The following CKB variants were observed in gnomAD, a reference collection of about 807,000 sequenced individuals.
CKB encodes creatine kinase B-type.
A neutral mutation model predicts 36.9 loss-of-function variants in CKB; 15 were observed. The observed-to-expected ratio is 0.41, with a 90% CI of 0.27 to 0.63. The LOEUF (loss-of-function observed/expected upper bound fraction) is 0.63. CKB is among the 20% of genes least tolerant of loss of function. The pLI, the probability that CKB is intolerant of heterozygous loss-of-function variation, is 0.34. For synonymous variants in CKB, 250 were observed against 228.2 expected (o/e 1.10, Z -0.86); for missense variants, 413 against 534.9 (o/e 0.77, Z 2.25).
At position 103,519,682 on chromosome 14, in the gene CKB, T is replaced by C. The variant is rs2075885215; in HGVS notation, c.*182A>G. On this transcript the variant is annotated 3_prime_UTR_variant, in exon 8 of 8. Transcript: ENST00000348956. ...CTCAGACGCAGGCAGGCCAAAACCCTAGTTTATTTCAGCATCAGCAGTATC... is the reference window on the plus strand; with the variant it reads ...CTCAGACGCAGGCAGGCCAAAACCCCAGTTTATTTCAGCATCAGCAGTATC... 1.5e-6 allele frequency: 1 copy of C among 683,672 alleles called. No individual in the cohort carries two copies. Among genetic ancestry groups the C allele is most frequent in the East Asian group, 2.9e-5 (1 of 34,146 alleles). 42.4% of individuals were successfully genotyped at this position (683,672 alleles called of 1,614,324 possible). A position where few individuals can be genotyped will look rare whatever the true frequency, so the allele number is the denominator to read the frequency against.
At chr14:103,521,782 C>G (rs2075903156) in intron 4 of CKB, 36 bp downstream of exon 4, 1 of 1,353,842 alleles carries the variant, frequency 7.4e-7, no homozygotes, top group South Asian at 1.8e-5. Context: ...GAGGGGGACG[C>G]GGCCGCCGCC....
rs775597887 is a variant in CKB, at chr14:103,519,960, C to T, written c.1050G>A (p.Val350=). The change falls in exon 8 of 8, where the codon GTG becomes GTA. Residue 350 remains valine (V), a synonymous_variant. Coordinates refer to ENST00000348956, the MANE Select transcript of CKB (RefSeq NM_001823.5). ...GCTTCACTCCGTCCACCACCATCTGCACCAGCTCCACCTCTGAGAAGCCCA... is the reference window on the plus strand; with the variant it reads ...GCTTCACTCCGTCCACCACCATCTGTACCAGCTCCACCTCTGAGAAGCCCA... ...DRLGFSEVEL[V]QMVVDGVKLL... is the part of the protein sequence containing the mutation. 1.9e-6 allele frequency: 3 copies of T among 1,610,964 alleles called. No individual in the cohort carries two copies. Among genetic ancestry groups the T allele is most frequent in the Non-Finnish European group, 2.5e-6 (3 of 1,179,996 alleles).
rs1276825868 is a variant in CKB, at chr14:103,522,161, C to T, written c.210G>A (p.Met70Ile). The T allele has an allele frequency of 6.2e-7, 1 of 1,604,852 alleles. No individual in the cohort carries two copies. The highest frequency in any genetic ancestry group is 8.5e-7 in the Non-Finnish European group (1 of 1,176,442). ...GVDNPGHPYI[M>I]TVGCVAGDEE... ...CGTCGCCCGCCACGCAGCCCACGGT[C>T]ATGATGTACGGGTGGCCTGGGGGAG... The change falls in exon 3 of 8, where the codon ATG (methionine) becomes ATA (isoleucine). Residue 70 changes from methionine to isoleucine, a missense_variant. By Grantham distance (10) the Met-to-Ile change is conservative (BLOSUM62 1). Coordinates refer to ENST00000348956, the MANE Select transcript of CKB (RefSeq NM_001823.5). The surrounding 1 kb of genome is among the most constrained non-coding windows in gnomAD (Gnocchi z 6.7).
chr14:103,521,357 G>A lies in CKB; in HGVS notation c.559C>T (p.Leu187Phe). 1.2e-6 allele frequency: 2 copies of A among 1,609,802 alleles called. No homozygotes were observed. Among genetic ancestry groups the A allele is most frequent in the Non-Finnish European group, 1.7e-6 (2 of 1,179,386 alleles). The change falls in exon 5 of 8, where the codon CTC (leucine) becomes TTC (phenylalanine). Residue 187 changes from leucine (L) to phenylalanine (F), a missense_variant. Leu to Phe is a conservative substitution (Grantham distance 22). Transcript: ENST00000348956. ...KSMTEAEQQQLIDDHFLFDKP... is the reference protein window; with the variant it reads ...KSMTEAEQQQFIDDHFLFDKP... ...TCGAAGAGGAAGTGGTCGTCGATGA[G>A]CTGCTGCTGCTCCGCCTCCGTCATG...
At position 103,522,303 on chromosome 14, in the gene CKB, G is replaced by A. The variant is rs1412949335; in HGVS notation, c.191C>T (p.Pro64Leu). Residue 64 changes from proline to leucine, a missense_variant and splice_region_variant, in exon 2 of 8, where the codon CCG becomes CTG. Pro to Leu is a moderately conservative substitution (Grantham distance 98). Around this residue, in one of 3 missense-constraint regions of CKB, gnomAD observed 25 missense variants for 54.9 expected, o/e 0.46. Coordinates refer to ENST00000348956, the MANE Select transcript of CKB (RefSeq NM_001823.5). The surrounding 1 kb of genome is among the most constrained non-coding windows in gnomAD (Gnocchi z 6.7). ...CCCGGCCCCGAGGGGTCGCGTACCC[G>A]GGTTGTCCACGCCTGTCTGGATGAC... ...DDVIQTGVDN[P>L]GHPYIMTVGC... is the part of the protein sequence containing the mutation. 5.6e-6 allele frequency: 9 copies of A among 1,604,652 alleles called. No individual in the cohort carries two copies. In the Admixed American group the frequency reaches 8.4e-5, roughly 15 times the overall value.
At position 103,521,892 on chromosome 14, in the gene CKB, C is replaced by G. The variant is rs1431276247; in HGVS notation, c.407G>C (p.Ser136Thr). ...CGGGGGGAGGCAGAAGCCACGGATG[C>G]TGCGGCCCGTGCGCACCCGCGAGCT... is the stretch of plus-strand genomic sequence containing the variant. ...VLSSRVRTGRSIRGFCLPPHC... is the reference protein window; with the variant it reads ...VLSSRVRTGRTIRGFCLPPHC... The change falls in exon 4 of 8, where the codon AGC becomes ACC. Residue 136 changes from serine to threonine, a missense_variant. By Grantham distance (58) the Ser-to-Thr change is moderately conservative. Around this residue, in one of 3 missense-constraint regions of CKB, gnomAD observed 314 missense variants for 409.4 expected, o/e 0.77. Coordinates refer to ENST00000348956, the MANE Select transcript of CKB (RefSeq NM_001823.5). 6.4e-7 allele frequency: 1 copy of G among 1,572,028 alleles called. No individual in the cohort carries two copies. The highest frequency in any genetic ancestry group is 2.0e-4 in the Middle Eastern group (1 of 5,084).
chr14:103,522,255 G>T lies in CKB; in HGVS notation c.193+46C>A. The T allele has an allele frequency of 6.4e-7, 1 of 1,571,190 alleles. No homozygotes were observed. Among genetic ancestry groups the T allele is most frequent in the Non-Finnish European group, 8.6e-7 (1 of 1,162,806 alleles). ...GCGCTGCTGAGGACCCTGCGGCTGCGCGGGGGGAGGGGGGGCCGGGACCCC... is the reference window on the plus strand; with the variant it reads ...GCGCTGCTGAGGACCCTGCGGCTGCTCGGGGGGAGGGGGGGCCGGGACCCC... On this transcript the variant is annotated intron_variant, in intron 2 of 7. Transcript: ENST00000348956. This position sits in a 1 kb window ranked among gnomAD's most constrained non-coding sequence, Gnocchi z 6.7.
chr14:103,520,492 G>C lies in CKB; in HGVS notation c.754C>G (p.Arg252Gly). 1 of 1,605,254 alleles carries C rather than the reference G, an allele frequency of 6.2e-7. No individual in the cohort carries two copies. The highest frequency in any genetic ancestry group is 8.5e-7 in the Non-Finnish European group (1 of 1,175,896). ...ACCTGGGTGAGGCCGGTGCAGAAGC[G>C]GGTGAACACCTCCTTCATGTTGCCC... The part of the protein sequence containing the change: ...KGGNMKEVFT[R>G]FCTGLTQIET... Residue 252 changes from arginine to glycine, a missense_variant, in exon 6 of 8, where the codon CGC becomes GGC. Transcript: ENST00000348956.
At position 103,521,955 on chromosome 14, in the gene CKB, G is replaced by A; in HGVS notation, c.349-5C>T. ...GGGGTCCAGGTCGTCGCCGCCCTGG[G>A]AGGCGAGACGGGAGTGAGCGCCCGA... On this transcript the variant is annotated splice_region_variant and splice_polypyrimidine_tract_variant and intron_variant, in intron 3 of 7. Transcript: ENST00000348956. 6.4e-7 allele frequency: 1 copy of A among 1,569,882 alleles called. No individual in the cohort carries two copies. The highest frequency in any genetic ancestry group is 8.6e-7 in the Non-Finnish European group (1 of 1,163,470).
Position 103,520,612 on chromosome 14 carries a change from A to G in CKB, c.654-20T>C, listed in dbSNP as rs1295350616. 6.2e-7 allele frequency: 1 copy of G among 1,606,774 alleles called. No homozygotes were observed. The highest frequency in any genetic ancestry group is 8.5e-7 in the Non-Finnish European group (1 of 1,176,762). On this transcript the variant is annotated intron_variant, in intron 5 of 7. Transcript: ENST00000348956. ...TTGTGCCTGCGGGAGGGCTGGTCTC[A>G]GGGCATACCCAGAAAAAAGCCCCAG...
At position 103,522,262 on chromosome 14, in the gene CKB, G is replaced by C; in HGVS notation, c.193+39C>G. 3 of 1,575,704 alleles carry C rather than the reference G, an allele frequency of 1.9e-6. No individual in the cohort carries two copies. Among genetic ancestry groups the C allele is most frequent in the East Asian group, 2.3e-5 (1 of 43,472 alleles). On this transcript the variant is annotated intron_variant, in intron 2 of 7. Coordinates refer to ENST00000348956, the MANE Select transcript of CKB (RefSeq NM_001823.5). The surrounding 1 kb of genome is among the most constrained non-coding windows in gnomAD (Gnocchi z 6.7). ...TGAGGACCCTGCGGCTGCGCGGGGG[G>C]AGGGGGGGCCGGGACCCCGGCCCCG... is the stretch of plus-strand genomic sequence containing the variant.
At chr14:103,521,608 G>A in intron 4 of CKB, 174 bp from the exon 5 acceptor site, 1 of 891,496 alleles carries the variant, frequency 1.1e-6, no homozygotes, top group Non-Finnish European at 1.5e-6. Context: ...GTGACCCCGC[G>A]CCAGGACCCG....
chr14:103,520,249 G>A lies in CKB; in HGVS notation c.840C>T (p.Ile280=), dbSNP rs2075890796. 1.2e-6 allele frequency: 2 copies of A among 1,613,526 alleles called. No homozygotes were observed. The highest frequency in any genetic ancestry group is 1.3e-5 in the African/African-American group (1 of 74,906). Residue 280 remains isoleucine, a synonymous_variant, in exon 7 of 8, where the codon ATC becomes ATT. Transcript: ENST00000348956. ...EFMWNPHLGY[I]LTCPSNLGTG... ...TGCCCAGGTTGGATGGGCAGGTGAGGATGTAGCCCAGGTGAGGGTTCCACA... is the reference window on the plus strand; with the variant it reads ...TGCCCAGGTTGGATGGGCAGGTGAGAATGTAGCCCAGGTGAGGGTTCCACA...
chr14:103,522,265 G>C lies in CKB; in HGVS notation c.193+36C>G, dbSNP rs1447182479. 4.5e-6 allele frequency: 7 copies of C among 1,571,106 alleles called. No homozygotes were observed. The African/African-American group carries it at 6.9e-5, about 15-fold the overall frequency. On this transcript the variant is annotated intron_variant, in intron 2 of 7. Transcript: ENST00000348956. The surrounding 1 kb of genome is among the most constrained non-coding windows in gnomAD (Gnocchi z 6.7). ...GGACCCTGCGGCTGCGCGGGGGGAGGGGGGGCCGGGACCCCGGCCCCGAGG... is the reference window on the plus strand; with the variant it reads ...GGACCCTGCGGCTGCGCGGGGGGAGCGGGGGCCGGGACCCCGGCCCCGAGG...
Position 103,522,209 on chromosome 14 carries a change from A to G in CKB, c.194-32T>C, listed in dbSNP as rs369865621. 151 of 1,577,178 alleles carry G rather than the reference A, an allele frequency of 9.6e-5. No individual in the cohort carries two copies. The highest frequency in any genetic ancestry group is 3.5e-4 in the Middle Eastern group (2 of 5,680). ...GAGGGGGCGCGGGACGGGGACAGTG[A>G]CGTCACTGCCGGGCCCGAGCGCGCT... On this transcript the variant is annotated intron_variant, in intron 2 of 7. Transcript: ENST00000348956. The surrounding 1 kb of genome is among the most constrained non-coding windows in gnomAD (Gnocchi z 6.7).
Position 103,519,829 on chromosome 14 carries a change from AAGC to A in CKB, c.*32_*34del. 1 of 1,567,070 alleles carries A rather than the reference AAGC, an allele frequency of 6.4e-7. No homozygotes were observed. Among genetic ancestry groups the A allele is most frequent in the East Asian group, 2.2e-5 (1 of 44,534 alleles). On this transcript the variant is annotated 3_prime_UTR_variant, in exon 8 of 8. Coordinates refer to ENST00000348956, the MANE Select transcript of CKB (RefSeq NM_001823.5). ...GGCACTGCCCAGGCAATAAGTTAGG[AAGC>A]AGCAGGGCTGGTGTCGGGTGTGGGC...
chr14:103,520,464 G>A lies in CKB; in HGVS notation c.777+5C>T, dbSNP rs984540171. The A allele has an allele frequency of 1.3e-6, 2 of 1,599,576 alleles. No individual in the cohort carries two copies. The highest frequency in any genetic ancestry group is 1.7e-6 in the Non-Finnish European group (2 of 1,172,890). ...TGGGGTCTGGGCCTGCCCCGTCCCT[G>A]GCACCTGGGTGAGGCCGGTGCAGAA... On this transcript the variant is annotated splice_donor_5th_base_variant and intron_variant, in intron 6 of 7. Coordinates refer to ENST00000348956, the MANE Select transcript of CKB (RefSeq NM_001823.5).
Position 103,521,949 on chromosome 14 carries a change from C to A in CKB, c.350G>T (p.Gly117Val). Residue 117 changes from glycine to valine, a missense_variant and splice_region_variant, in exon 4 of 8, where the codon GGC (glycine) becomes GTC (valine). Coordinates refer to ENST00000348956, the MANE Select transcript of CKB (RefSeq NM_001823.5). ...KTDLNPDNLQGGDDLDPNYVL... is the reference protein window; with the variant it reads ...KTDLNPDNLQVGDDLDPNYVL... ...GTAGTTGGGGTCCAGGTCGTCGCCG[C>A]CCTGGGAGGCGAGACGGGAGTGAGC... 1 of 1,573,042 alleles carries A rather than the reference C, an allele frequency of 6.4e-7. No individual in the cohort carries two copies. The highest frequency in any genetic ancestry group is 1.2e-5 in the South Asian group (1 of 86,624).
rs2075900526 is a variant in CKB at position 103,521,446 on chromosome 14, G to A, written c.482-12C>T. ...CAGGCTGGACAGGGCTGCGAGGGGTGCGCTCAGGACGCTCGGCTCCCGCGC... is the reference window on the plus strand; with the variant it reads ...CAGGCTGGACAGGGCTGCGAGGGGTACGCTCAGGACGCTCGGCTCCCGCGC... On this transcript the variant is annotated splice_polypyrimidine_tract_variant and intron_variant, in intron 4 of 7. Coordinates refer to ENST00000348956, the MANE Select transcript of CKB (RefSeq NM_001823.5). The A allele has an allele frequency of 1.3e-6, 2 of 1,575,488 alleles. No individual in the cohort carries two copies. Among genetic ancestry groups the A allele is most frequent in the East Asian group, 4.7e-5 (2 of 42,660 alleles).
Sources: allele counts gnomAD v4.1 joint callset, GRCh38; gene constraint gnomAD v4.1.1; regional missense constraint gnomAD v4.1.1; non-coding constraint Gnocchi (gnomAD v3.1); transcripts MANE v1.5; gene names NCBI Gene and HGNC (gene_info 2026-07-23, HGNC 2026-07-21).